The following TNNI3K variants were observed in gnomAD, a reference collection of about 807,000 sequenced individuals.
TNNI3K encodes TNNI3 interacting kinase, also known as serine/threonine-protein kinase TNNI3K.
In TNNI3K, 140 loss-of-function variants were observed where a neutral mutation model predicts 114.5. The ratio of observed to expected loss-of-function variants is 1.22; its 90% CI spans 1.07 to 1.41. TNNI3K has a LOEUF of 1.41. Ranked by LOEUF, TNNI3K falls within the 40% of genes most tolerant of loss-of-function variation. The pLI, the probability that TNNI3K is intolerant of heterozygous loss-of-function variation, is 0.00. For synonymous variants in TNNI3K, 347 were observed against 347.5 expected (o/e 1.00, Z 0.02); for missense variants, 1,125 against 1,007.6 (o/e 1.12, Z -1.58).
At chr1:74,243,824 C>T (rs1243204871) in intron 2 of TNNI3K, among the ~76,000 whole-genome samples, 1 of 152,116 alleles carries the variant, frequency 6.6e-6, no homozygotes, top group Non-Finnish European at 1.5e-5. Context: ...TTAGGAACTT[C>T]ATTCATGCCC....
chr1:74,447,298 A>C (rs1666744602), intron 20 of TNNI3K, among the ~76,000 whole-genome samples: 2 of 149,592 alleles, frequency 1.3e-5, no homozygotes, highest in Non-Finnish European at 3.0e-5. Context: ...ATTCTCTTTG[A>C]AGCAATTGTG....
At chr1:74,482,371 C>G (rs545410769) in intron 21 of TNNI3K, among the ~76,000 whole-genome samples, 1 of 152,292 alleles carries the variant, frequency 6.6e-6, no homozygotes, top group East Asian at 1.9e-4. Context: ...TTGTTTCTTA[C>G]AGACATCAAC....
At chr1:74,384,267 A>G (rs572694251) in intron 17 of TNNI3K, among the ~76,000 whole-genome samples, 1 of 152,238 alleles carries the variant, frequency 6.6e-6, no homozygotes, top group Admixed American at 6.5e-5. Flanking sequence ...TTCTCTGGCT[A>G]TTTTGTGCTG....
chr1:74,441,035 C>T (rs1666354764), intron 20 of TNNI3K, among the ~76,000 whole-genome samples: 1 of 152,088 alleles, frequency 6.6e-6, no homozygotes, highest in Non-Finnish European at 1.5e-5. Flanking sequence ...CATCGTAGCC[C>T]AAGCCATCTT....
At chr1:74,513,328 T>C (rs1399912913) in intron 23 of TNNI3K, among the ~76,000 whole-genome samples, 2 of 152,248 alleles carry the variant, frequency 1.3e-5, no homozygotes, top group African/African-American at 4.8e-5. Flanking sequence ...GCACTAGGTG[T>C]TCTTATCAGA....
chr1:74,365,363 G>A (rs181049031), intron 11 of TNNI3K, among the ~76,000 whole-genome samples: 1 of 152,152 alleles, frequency 6.6e-6, no homozygotes, highest in East Asian at 1.9e-4. Context: ...CAGTCAAAGT[G>A]CAGATTGCTG....
chr1:74,290,003 G>T (rs1468035882), intron 5 of TNNI3K, among the ~76,000 whole-genome samples: 1 of 151,720 alleles, frequency 6.6e-6, no homozygotes, highest in Non-Finnish European at 1.5e-5. Flanking sequence ...GTAGCTTGGT[G>T]TCTTATTGTC....
intron 9 of TNNI3K, among the ~76,000 whole-genome samples, chr1:74,349,600 C>T (rs1661216746): frequency 6.6e-6 from 1 of 152,130 alleles, no homozygotes; most frequent in Admixed American, 6.6e-5. Flanking sequence ...CCATCTGGTC[C>T]TGGACTTTTT....
intron 5 of TNNI3K, among the ~76,000 whole-genome samples, chr1:74,306,019 C>G (rs1016479998): frequency 2.0e-5 from 3 of 152,256 alleles, no homozygotes; most frequent in Middle Eastern, 3.4e-3. Context: ...CTCCCTTATT[C>G]CTCACTTTTG....
chr1:74,327,599 T>C (rs1659978681), intron 5 of TNNI3K, among the ~76,000 whole-genome samples: 1 of 145,944 alleles, frequency 6.9e-6, no homozygotes. Context: ...GGTATTATTA[T>C]ATATTACTAT....
At chr1:74,465,541 C>T (rs1042553332) in intron 21 of TNNI3K, among the ~76,000 whole-genome samples, 2 of 151,344 alleles carry the variant, frequency 1.3e-5, no homozygotes, top group East Asian at 1.9e-4. Flanking sequence ...CGAGTCCCCC[C>T]CCAACCGTGG....
chr1:74,322,975 T>G (rs561455037), intron 5 of TNNI3K, among the ~76,000 whole-genome samples: 9 of 152,202 alleles, frequency 5.9e-5, no homozygotes, highest in Non-Finnish European at 8.8e-5. Flanking sequence ...AAACATGTTT[T>G]ACTCTTTCTT....
Position 74,250,689 on chromosome 1 carries a change from C to G in TNNI3K, c.253C>G (p.Arg85Gly), listed in dbSNP as rs752068095. ...TCTTTAAGGCAAGAAATCACATATT[C>G]GAACTCTTATGTTGAAAGGGCTCCG... ...CICGGKKSHIRTLMLKGLRPS... is the reference protein window; with the variant it reads ...CICGGKKSHIGTLMLKGLRPS... Residue 85 changes from arginine to glycine, a missense_variant, in exon 4 of 25, where the codon CGA (arginine) becomes GGA (glycine). Physicochemically the swap from Arg to Gly is moderately radical, Grantham distance 125. Coordinates refer to ENST00000326637, the MANE Select transcript of TNNI3K (RefSeq NM_015978.3). The G allele has an allele frequency of 1.6e-5, 25 of 1,610,860 alleles. No homozygotes were observed. In the South Asian group the frequency reaches 2.6e-4, roughly 16 times the overall value.
rs201372253 is a variant in TNNI3K, at chr1:74,369,617, A to G, written c.1667+32A>G. On this transcript the variant is annotated intron_variant, in intron 16 of 24. Coordinates refer to ENST00000326637, the MANE Select transcript of TNNI3K (RefSeq NM_015978.3). Reference sequence around the variant, plus strand: ...GTCTTTTGTTCTGATTTATCCTTGGACATTCCGTAGAAACTACTCTTGCAA... The same window carrying G: ...GTCTTTTGTTCTGATTTATCCTTGGGCATTCCGTAGAAACTACTCTTGCAA... 2.6e-6 allele frequency: 4 copies of G among 1,541,728 alleles called. No homozygotes were observed. In the South Asian group the frequency reaches 3.9e-5, roughly 15 times the overall value.
chr1:74,471,726 T>C, intron 21 of TNNI3K: 2 of 403,122 alleles, frequency 5.0e-6, no homozygotes, highest in Non-Finnish European at 8.8e-6. Flanking sequence ...TTGGGGAATA[T>C]GCTTTCTTGG....
chr1:74,522,638 G>A (rs1646449376), intron 23 of TNNI3K, among the ~76,000 whole-genome samples: 3 of 150,822 alleles, frequency 2.0e-5, no homozygotes, highest in Admixed American at 2.0e-4. Flanking sequence ...TAAGGTGTAT[G>A]TGTGTGTGTG....
chr1:74,289,488 C>G (rs199832429), intron 5 of TNNI3K, among the ~76,000 whole-genome samples: 1 of 3,104 alleles, frequency 3.2e-4, no homozygotes, highest in African/African-American at 1.1e-3. Flanking sequence ...TAGGTAGTGT[C>G]ATTAGTCTTT....
At chr1:74,353,904 G>A in intron 10 of TNNI3K, 76 bp from the exon 11 acceptor site, 1 of 1,521,514 alleles carries the variant, frequency 6.6e-7, no homozygotes, top group African/African-American at 1.4e-5. Flanking sequence ...ATTATGTGGT[G>A]ATGACTGTCT....
At chr1:74,342,171 A>C (rs1660777505) in intron 7 of TNNI3K, among the ~76,000 whole-genome samples, 1 of 152,130 alleles carries the variant, frequency 6.6e-6, no homozygotes, top group African/African-American at 2.4e-5. Flanking sequence ...ATACGGAATT[A>C]CCCAGACGTG....
Sources: allele counts gnomAD v4.1 joint callset (sites outside exome capture counted in the v4.1 genomes callset), GRCh38; gene constraint gnomAD v4.1.1; transcripts MANE v1.5; gene names NCBI Gene and HGNC (gene_info 2026-07-23, HGNC 2026-07-21).